Variants in SEC63 observed in about 807,000 individuals in gnomAD.
SEC63 encodes the protein translocation protein SEC63 homolog.
In SEC63, 56 loss-of-function variants were observed where a neutral mutation model predicts 116.2. The observed-to-expected ratio is 0.48, with a 90% CI of 0.39 to 0.60. The LOEUF is 0.60. Ranked by LOEUF, SEC63 falls within the 20% of genes least tolerant of loss-of-function variation. The pLI, the probability that SEC63 is intolerant of heterozygous loss-of-function variation, is 0.00. For missense variants in SEC63, 668 were observed against 900.0 expected (o/e 0.74, Z 3.30); for synonymous variants, 273 against 294.6 (o/e 0.93, Z 0.75).
At chr6:107,927,032 T>C (rs968142442) in intron 2 of SEC63, among the ~76,000 whole-genome samples, 1 of 152,212 alleles carries the variant, frequency 6.6e-6, no homozygotes, top group Non-Finnish European at 1.5e-5. Flanking sequence ...ATTTTCCCCA[T>C]ACTTGGCTTC....
intron 18 of SEC63, among the ~76,000 whole-genome samples, chr6:107,880,469 T>C (rs1282625530): frequency 6.6e-6 from 1 of 152,188 alleles, no homozygotes; most frequent in Non-Finnish European, 1.5e-5. Flanking sequence ...CAAGGTAATT[T>C]GAAAGATGAA....
intron 1 of SEC63, 133 bp from the exon 2 acceptor site, chr6:107,929,647 T>C (rs992500120): frequency 2.2e-5 from 14 of 622,778 alleles, no homozygotes; most frequent in Non-Finnish European, 3.4e-5. Flanking sequence ...CCTATTCAAA[T>C]AGCCTTTAAA....
intron 17 of SEC63, 114 bp downstream of exon 17, chr6:107,882,874 T>A (rs1786443196): frequency 1.5e-6 from 1 of 682,492 alleles, no homozygotes; most frequent in Non-Finnish European, 2.5e-6. Context: ...ATACAGATAT[T>A]ATTTAAAGAA....
At chr6:107,942,215 G>C (rs565784195) in intron 1 of SEC63, among the ~76,000 whole-genome samples, 1 of 152,208 alleles carries the variant, frequency 6.6e-6, no homozygotes, top group East Asian at 1.9e-4. Flanking sequence ...ATAATTACTA[G>C]GTTTAAGAGC....
intron 1 of SEC63, among the ~76,000 whole-genome samples, chr6:107,940,490 G>A (rs1392443831): frequency 1.3e-5 from 2 of 152,058 alleles, no homozygotes; most frequent in African/African-American, 2.4e-5. Context: ...ATTTTAGGAT[G>A]TTTAGCAGCA....
rs1292709263 is a variant in SEC63 at position 107,870,187 on chromosome 6, GCCT to G, written c.*1514_*1516del. On this transcript the variant is annotated 3_prime_UTR_variant, in exon 21 of 21. Coordinates refer to ENST00000369002, the MANE Select transcript of SEC63 (RefSeq NM_007214.5). ...AATGAAAAAAATCCTCAGTGACACT[GCCT>G]CCTGCCTGCCAAGAAAGGCTCTCAC... 2 of 152,796 alleles carry G rather than the reference GCCT, an allele frequency of 1.3e-5. No homozygotes were observed. Among genetic ancestry groups the G allele is most frequent in the African/African-American group, 4.8e-5 (2 of 41,420 alleles). 9.5% of individuals were successfully genotyped at this position (152,796 alleles called of 1,614,324 possible).
intron 1 of SEC63, among the ~76,000 whole-genome samples, chr6:107,933,477 T>C (rs1787856036): frequency 6.6e-6 from 1 of 152,286 alleles, no homozygotes; most frequent in African/African-American, 2.4e-5. Context: ...CCTGACAGCA[T>C]ACAAGAACAC....
At chr6:107,933,222 C>A (rs941693485) in intron 1 of SEC63, among the ~76,000 whole-genome samples, 2 of 152,074 alleles carry the variant, frequency 1.3e-5, no homozygotes, top group Non-Finnish European at 2.9e-5. Flanking sequence ...CAGATTCTAC[C>A]CTAGAGCCTC....
At chr6:107,913,682 TGTTCAACCAGATGGTTCTCA>T (rs1478161148) in intron 4 of SEC63, among the ~76,000 whole-genome samples, 4 of 152,194 alleles carry the variant, frequency 2.6e-5, no homozygotes, top group African/African-American at 7.2e-5. Context: ...CCAGTTCTCA[TGTTCAACCAGATGGTTCTCA>T]GTTCAACCAG....
At chr6:107,882,591 T>TA (rs1482884408) in intron 17 of SEC63, among the ~76,000 whole-genome samples, 1 of 152,148 alleles carries the variant, frequency 6.6e-6, no homozygotes, top group African/African-American at 2.4e-5. Context: ...TTCTCTACAG[T>TA]AAACATGAAC....
At chr6:107,884,622 A>G (rs1362087750) in intron 16 of SEC63, among the ~76,000 whole-genome samples, 1 of 152,176 alleles carries the variant, frequency 6.6e-6, no homozygotes, top group Non-Finnish European at 1.5e-5. Flanking sequence ...TCTTCCAGAG[A>G]CTAAAAAAAC....
intron 16 of SEC63, among the ~76,000 whole-genome samples, chr6:107,888,387 T>C (rs531551777): frequency 5.9e-5 from 9 of 152,336 alleles, no homozygotes; most frequent in Admixed American, 2.0e-4. Flanking sequence ...GATTTGGCTC[T>C]CTGTTTGTAT....
chr6:107,939,459 A>G (rs1357304625), intron 1 of SEC63, among the ~76,000 whole-genome samples: 3 of 152,106 alleles, frequency 2.0e-5, no homozygotes, highest in Non-Finnish European at 4.4e-5. Flanking sequence ...TAAACTAACC[A>G]ACCAAATTGA....
At chr6:107,924,769 T>A in intron 3 of SEC63, 49 bp downstream of exon 3, 1 of 890,544 alleles carries the variant, frequency 1.1e-6, no homozygotes. Flanking sequence ...CCTATAGCAT[T>A]TTCATGGGAC....
intron 7 of SEC63, among the ~76,000 whole-genome samples, chr6:107,910,822 G>A (rs1787266905): frequency 1.3e-5 from 2 of 152,086 alleles, no homozygotes; most frequent in African/African-American, 4.8e-5. Flanking sequence ...AGGCTGGAGT[G>A]TAGTGGCACA....
intron 14 of SEC63, 42 bp from the exon 15 acceptor site, chr6:107,893,939 A>G (rs1562319069): frequency 1.9e-6 from 3 of 1,593,392 alleles, no homozygotes. Context: ...CTGTCAACCT[A>G]TATTTATCTT....
intron 4 of SEC63, among the ~76,000 whole-genome samples, chr6:107,921,518 C>T (rs947342247): frequency 4.6e-5 from 7 of 150,740 alleles, no homozygotes; most frequent in Non-Finnish European, 8.8e-5. Context: ...GTGGCATGGT[C>T]ACGGCTCACT....
At chr6:107,896,153 G>A (rs576222374) in intron 14 of SEC63, among the ~76,000 whole-genome samples, 14 of 151,664 alleles carry the variant, frequency 9.2e-5, no homozygotes, top group African/African-American at 2.9e-4. Context: ...GTAACACAGT[G>A]AGACCGTGTC....
At chr6:107,926,524 C>T (rs994335864) in intron 2 of SEC63, among the ~76,000 whole-genome samples, 2 of 152,180 alleles carry the variant, frequency 1.3e-5, no homozygotes, top group African/African-American at 2.4e-5. Flanking sequence ...AAGGCATGAG[C>T]CACCGCGGCC....
Sources: gnomAD v4.1 joint callset for allele counts (sites outside exome capture counted in the v4.1 genomes callset) on GRCh38, gnomAD v4.1.1 for gene constraint, MANE v1.5 for transcripts, NCBI Gene and HGNC (gene_info 2026-07-23, HGNC 2026-07-21) for gene names.